Variants in TMEM40 observed in about 807,000 individuals in gnomAD.
The protein encoded by TMEM40 is transmembrane protein 40.
Under a neutral mutation model 40.8 loss-of-function variants are expected in TMEM40, and 34 were observed. The ratio of observed to expected loss-of-function variants is 0.83; its 90% CI spans 0.63 to 1.11. The LOEUF is 1.11. Among genes scored for constraint, TMEM40 ranks in the 50% least tolerant of loss-of-function variants. The pLI, the probability that TMEM40 is intolerant of heterozygous loss-of-function variation, is 0.00. For missense variants in TMEM40, 296 were observed against 280.2 expected (o/e 1.06, Z -0.40); for synonymous variants, 106 against 107.0 (o/e 0.99, Z 0.06).
intron 1 of TMEM40, among the ~76,000 whole-genome samples, chr3:12,755,209 TTCTTTCTC>T (rs1329509468): frequency 2.6e-5 from 2 of 78,102 alleles, no homozygotes; most frequent in African/African-American, 6.8e-5. Flanking sequence ...CTTTCTTTCT[TTCTTTCTC>T]TCTCTCTCTC....
chr3:12,769,247 A>G, intron 1 of TMEM40: 1 of 416,912 alleles, frequency 2.4e-6, no homozygotes. Context: ...CTTTCTCTCC[A>G]TACCTCCCGG....
At chr3:12,752,802 CA>C (rs76321894) in intron 1 of TMEM40, among the ~76,000 whole-genome samples, 79 of 136,612 alleles carry the variant, frequency 5.8e-4, no homozygotes, top group Non-Finnish European at 4.5e-4. Flanking sequence ...GACTCTGTCT[CA>C]AAAAAAAAAA....
Position 12,742,522 on chromosome 3 carries a change from A to T in TMEM40, c.302-15T>A. The T allele has an allele frequency of 6.2e-7, 1 of 1,612,900 alleles. No homozygotes were observed. Among genetic ancestry groups the T allele is most frequent in the Non-Finnish European group, 8.5e-7 (1 of 1,179,398 alleles). On this transcript the variant is annotated splice_polypyrimidine_tract_variant and intron_variant, in intron 4 of 11. Coordinates refer to ENST00000314124, the MANE Select transcript of TMEM40 (RefSeq NM_018306.4). ...ATGCCCAGGACCTGGATGGAGACAAACCCCTTAGTCAGCACTCCCCAAACA... is the reference window on the plus strand; with the variant it reads ...ATGCCCAGGACCTGGATGGAGACAATCCCCTTAGTCAGCACTCCCCAAACA...
chr3:12,755,190 C>T (rs57629635), intron 1 of TMEM40, among the ~76,000 whole-genome samples: 6,573 of 113,238 alleles, frequency 0.058, 303 homozygotes, highest in African/African-American at 0.11. Context: ...CTCCTTCCTT[C>T]CTTCCTTCCT....
rs28549962 is a variant in TMEM40, at chr3:12,736,528, C to T, written c.619+50G>A. ...GTATGAAAATGAATATTTCTACCCA[C>T]GACCCCTCCAAGAGACTGTGTGTGT... On this transcript the variant is annotated intron_variant, in intron 10 of 11. Transcript: ENST00000314124. The T allele has an allele frequency of 6.6e-3, 10,141 of 1,526,552 alleles. 564 individuals carry two copies. The African/African-American group carries it at 0.12, about 18-fold the overall frequency. The allele number at this position is 1,526,552 out of a possible 1,614,324, so 94.6% of individuals were successfully genotyped here. A position where few individuals can be genotyped will look rare whatever the true frequency, so the allele number is the denominator to read the frequency against.
chr3:12,769,014 C>T (rs1262467847), intron 1 of TMEM40, among the ~76,000 whole-genome samples: 1 of 151,764 alleles, frequency 6.6e-6, no homozygotes, highest in African/African-American at 2.4e-5. Flanking sequence ...CCCTGCCTCT[C>T]AGGGAGGCAG....
upstream of TMEM40, among the ~76,000 whole-genome samples, chr3:12,763,379 G>A (rs1445929424): frequency 6.6e-6 from 1 of 152,054 alleles, no homozygotes; most frequent in Non-Finnish European, 1.5e-5. Context: ...TTTGCTGTGG[G>A]CAGATCTCAG....
At chr3:12,764,249 G>C (rs2061584800), upstream of TMEM40, among the ~76,000 whole-genome samples, 1 of 152,082 alleles carries the variant, frequency 6.6e-6, no homozygotes, top group South Asian at 2.1e-4. Context: ...ATGTCTGTGA[G>C]GGCAGCACCT....
At chr3:12,738,348 G>C (rs568956680) in intron 6 of TMEM40, among the ~76,000 whole-genome samples, 180 bp from the exon 7 acceptor site, 21 of 152,304 alleles carry the variant, frequency 1.4e-4, no homozygotes, top group Non-Finnish European at 4.4e-5. Flanking sequence ...GTCTTGCTGG[G>C]ACAGCCTTCC....
intron 1 of TMEM40, among the ~76,000 whole-genome samples, chr3:12,764,581 C>T (rs7626609): frequency 0.6 from 91,280 of 152,100 alleles, 28,529 homozygotes; most frequent in African/African-American, 0.76. Flanking sequence ...AAACAGTGGC[C>T]GTAGCTGATG....
At chr3:12,747,247 C>G (rs1002768928) in intron 3 of TMEM40, among the ~76,000 whole-genome samples, 2 of 151,722 alleles carry the variant, frequency 1.3e-5, no homozygotes, top group Non-Finnish European at 2.9e-5. Flanking sequence ...TAAGCTCAAG[C>G]CCACCATAAA....
At position 12,757,198 on chromosome 3, in the gene TMEM40, G is replaced by A. The variant is rs148451188; in HGVS notation, c.-9+1993C>T. On this transcript the variant is annotated intron_variant, in intron 1 of 11. Coordinates refer to ENST00000314124, the MANE Select transcript of TMEM40 (RefSeq NM_018306.4). ...AAAGATGCTTCACATCACTGGGTGCGGTGGCTCATGTCTGTAATCCCAGCA... is the reference window on the plus strand; with the variant it reads ...AAAGATGCTTCACATCACTGGGTGCAGTGGCTCATGTCTGTAATCCCAGCA... Among the ~76,000 whole-genome samples the A allele has an allele frequency of 2.0e-3, 309 of 152,242 alleles. 2 individuals carry two copies. The highest frequency in any genetic ancestry group is 6.9e-3 in the African/African-American group (288 of 41,550).
chr3:12,751,279 G>T, intron 1 of TMEM40, among the ~76,000 whole-genome samples: 1 of 134,358 alleles, frequency 7.4e-6, no homozygotes, highest in South Asian at 2.5e-4. Context: ...TCCATTACCC[G>T]TTTTTTTTTT....
chr3:12,738,480 TG>T, intron 6 of TMEM40, 72 bp downstream of exon 6: 3 of 1,534,282 alleles, frequency 2.0e-6, no homozygotes, highest in Non-Finnish European at 1.8e-6. Flanking sequence ...CTGGCTCTCT[TG>T]GGGGAGAGGT....
rs760466277 is a variant in TMEM40 at position 12,734,729 on chromosome 3, G to A, written c.*45C>T. 2.5e-6 allele frequency: 4 copies of A among 1,577,868 alleles called. No individual in the cohort carries two copies. The highest frequency in any genetic ancestry group is 2.7e-5 in the African/African-American group (2 of 74,156). ...CCTTGTGGGCTCAGGGGTCGCAGTG[G>A]TGGTCACACTGGGGCCTGCCTCTGC... is the stretch of plus-strand genomic sequence containing the variant. On this transcript the variant is annotated 3_prime_UTR_variant, in exon 12 of 12. Transcript: ENST00000314124.
intron 3 of TMEM40, among the ~76,000 whole-genome samples, chr3:12,745,979 C>A (rs1444021676): frequency 6.6e-6 from 1 of 151,874 alleles, no homozygotes; most frequent in Admixed American, 6.6e-5. Context: ...CTCACTGCTA[C>A]CTCTGCCTCC....
chr3:12,745,849 C>T (rs2061423191), intron 3 of TMEM40, among the ~76,000 whole-genome samples: 1 of 151,924 alleles, frequency 6.6e-6, no homozygotes, highest in Non-Finnish European at 1.5e-5. Flanking sequence ...AAAAAGTTAC[C>T]CAAACTGCAG....
intron 1 of TMEM40, among the ~76,000 whole-genome samples, chr3:12,765,323 A>AT (rs966269280): frequency 2.9e-4 from 43 of 148,158 alleles, no homozygotes; most frequent in East Asian, 3.9e-4. Context: ...ATCAAAGTGG[A>AT]TTTTTTTTTT....
At chr3:12,753,674 C>T (rs2061496624) in intron 1 of TMEM40, among the ~76,000 whole-genome samples, 1 of 152,156 alleles carries the variant, frequency 6.6e-6, no homozygotes, top group South Asian at 2.1e-4. Flanking sequence ...GGTTAGAGGA[C>T]TCTAGCACCA....
Sources: allele counts gnomAD v4.1 joint callset (sites outside exome capture counted in the v4.1 genomes callset), GRCh38; gene constraint gnomAD v4.1.1; transcripts MANE v1.5; gene names NCBI Gene and HGNC (gene_info 2026-07-23, HGNC 2026-07-21).